Variants in PKD1 observed in about 807,000 individuals in gnomAD.
PKD1 encodes the protein polycystin-1.
Under a neutral mutation model 361.7 loss-of-function variants are expected in PKD1, and 81 were observed. The observed-to-expected ratio is 0.22, with a 90% CI of 0.19 to 0.27. The LOEUF (loss-of-function observed/expected upper bound fraction) is 0.27, where lower values mean the gene tolerates loss of function less well. PKD1 is among the 10% of genes least tolerant of loss of function. The pLI is 1.00. For missense variants in PKD1, 6,399 were observed against 6,118.3 expected (o/e 1.05, Z -1.53); for synonymous variants, 3,615 against 2,818.3 (o/e 1.28, Z -8.95).
rs552542784 is a variant in PKD1 at position 2,110,096 on chromosome 16, C to T, written c.5071G>A (p.Gly1691Ser). Residue 1691 changes from glycine (G) to serine (S), a missense_variant, in exon 15 of 46, where the codon GGC becomes AGC. By Grantham distance (56) the Gly-to-Ser change is moderately conservative. Coordinates refer to ENST00000262304, the MANE Select transcript of PKD1 (RefSeq NM_001009944.3). ...KGFSLTVLEA[G>S]TYHVQLRATN... ...GCCCGCAGCTGCACATGGTAGGTGCCGGCCTCGAGCACGGTGAGCGAGAAG... is the reference window on the plus strand; with the variant it reads ...GCCCGCAGCTGCACATGGTAGGTGCTGGCCTCGAGCACGGTGAGCGAGAAG... The T allele has an allele frequency of 1.7e-5, 27 of 1,609,470 alleles. No homozygotes were observed. Among genetic ancestry groups the T allele is most frequent in the South Asian group, 1.1e-4 (10 of 90,842 alleles).
At position 2,111,460 on chromosome 16, in the gene PKD1, T is replaced by C. The variant is rs768346248; in HGVS notation, c.3707A>G (p.Gln1236Arg). Residue 1236 changes from glutamine to arginine, a missense_variant, in exon 15 of 46, where the codon CAG (glutamine) becomes CGG (arginine). Coordinates refer to ENST00000262304, the MANE Select transcript of PKD1 (RefSeq NM_001009944.3). ...GAPVVVSAAV[Q>R]TGDNITWTFD... ...GGTCCACGTGATGTTGTCGCCCGTC[T>C]GCACCGCGGCGCTGACCACCACGGG... 3 of 1,611,814 alleles carry C rather than the reference T, an allele frequency of 1.9e-6. No homozygotes were observed. In the South Asian group the frequency reaches 3.3e-5, roughly 18 times the overall value.
intron 1 of PKD1, among the ~76,000 whole-genome samples, chr16:2,127,607 G>A (rs1317215107): frequency 2.0e-5 from 3 of 152,070 alleles, no homozygotes; most frequent in East Asian, 2.0e-4. Flanking sequence ...ATGGGCCCCC[G>A]GAACCCCTGA....
chr16:2,132,612 C>G (rs1019701269), intron 1 of PKD1, among the ~76,000 whole-genome samples: 4 of 147,076 alleles, frequency 2.7e-5, no homozygotes. Context: ...AAGACATCAA[C>G]TAATTGCAGT....
intron 34 of PKD1, chr16:2,095,304 C>T (rs2091799816): frequency 6.6e-5 from 10 of 152,104 alleles, no homozygotes; most frequent in Admixed American, 6.6e-4. Context: ...ATCTTAGCTA[C>T]TTGGGAGGCT....
At chr16:2,124,852 G>C (rs920296591) in intron 1 of PKD1, among the ~76,000 whole-genome samples, 1 of 152,196 alleles carries the variant, frequency 6.6e-6, no homozygotes, top group African/African-American at 2.4e-5. Flanking sequence ...TCCTCCCTCG[G>C]CAGGGGCAGG....
In PKD1 at chr16:2,091,426, G is replaced by A; in HGVS notation, c.11709C>T (p.Thr3903=). 8.5e-7 allele frequency: 1 copy of A among 1,173,630 alleles called. No homozygotes were observed. The highest frequency in any genetic ancestry group is 4.6e-5 in the East Asian group (1 of 21,584). The allele number at this position is 1,173,630 out of a possible 1,614,324, so 72.7% of individuals were successfully genotyped here. ...LSAGLSLPLL[T]SVCLLLFAVH... is the part of the protein sequence containing the mutation. ...GTCTGGCCGGGGACGGGCGTACCGA[G>A]GTGAGCAGAGGCAGCGAGAGGCCCG... Residue 3903 remains threonine (T), a synonymous_variant, in exon 42 of 46, where the codon ACC becomes ACT. Coordinates refer to ENST00000262304, the MANE Select transcript of PKD1 (RefSeq NM_001009944.3).
chr16:2,132,105 C>A (rs2092889389), intron 1 of PKD1, among the ~76,000 whole-genome samples: 1 of 151,648 alleles, frequency 6.6e-6, no homozygotes, highest in Non-Finnish European at 1.5e-5. Flanking sequence ...ACAAAATTAG[C>A]CAGGCATGGT....
chr16:2,111,454 C>A lies in PKD1; in HGVS notation c.3713G>T (p.Gly1238Val). Reference sequence around the variant, plus strand: ...GTCGAAGGTCCACGTGATGTTGTCGCCCGTCTGCACCGCGGCGCTGACCAC... The same window carrying A: ...GTCGAAGGTCCACGTGATGTTGTCGACCGTCTGCACCGCGGCGCTGACCAC... ...PVVVSAAVQTGDNITWTFDMG... is the reference protein window; with the variant it reads ...PVVVSAAVQTVDNITWTFDMG... Residue 1238 changes from glycine to valine, a missense_variant, in exon 15 of 46, where the codon GGC becomes GTC. Coordinates refer to ENST00000262304, the MANE Select transcript of PKD1 (RefSeq NM_001009944.3). 6.2e-7 allele frequency: 1 copy of A among 1,611,842 alleles called. No individual in the cohort carries two copies. The highest frequency in any genetic ancestry group is 8.5e-7 in the Non-Finnish European group (1 of 1,179,538).
rs372534935 is a variant in PKD1 at position 2,090,492 on chromosome 16, G to A, written c.12237C>T (p.Ser4079=). Residue 4079 remains serine, a synonymous_variant, in exon 45 of 46, where the codon TCC becomes TCT. Transcript: ENST00000262304. ...CACACAGCAGGGGTGACAGGTGCCA[G>A]GACTCGGCAGGACACAGGGTAGAGA... ...TGLSTLCPAE[S]WHLSPLLCVG... 44 of 1,611,592 alleles carry A rather than the reference G, an allele frequency of 2.7e-5. No individual in the cohort carries two copies. In the Admixed American group the frequency reaches 3.7e-4, roughly 13 times the overall value.
Position 2,100,090 on chromosome 16 carries a change from C to G in PKD1, c.9713-19G>C. On this transcript the variant is annotated intron_variant, in intron 28 of 45. Coordinates refer to ENST00000262304, the MANE Select transcript of PKD1 (RefSeq NM_001009944.3). The surrounding 1 kb of genome is among the most constrained non-coding windows in gnomAD (Gnocchi z 4.4). Reference sequence around the variant, plus strand: ...GCGTCGCCTAGAAGGCAGGGAGGGCCGCACTGCAGGAGGCCACGGGGCAGG... The same window carrying G: ...GCGTCGCCTAGAAGGCAGGGAGGGCGGCACTGCAGGAGGCCACGGGGCAGG... 1 of 1,604,004 alleles carries G rather than the reference C, an allele frequency of 6.2e-7. No individual in the cohort carries two copies. Among genetic ancestry groups the G allele is most frequent in the Non-Finnish European group, 8.5e-7 (1 of 1,176,548 alleles).
In PKD1 at chr16:2,091,125, G is replaced by C. The variant is rs762372063; in HGVS notation, c.11762C>G (p.Thr3921Ser). ...GCGCCAGCGCCCTTCCCTGTGCCAAGTACGGGCCTCGGCCACGGCGAAGTG... is the reference window on the plus strand; with the variant it reads ...GCGCCAGCGCCCTTCCCTGTGCCAACTACGGGCCTCGGCCACGGCGAAGTG... ...AVHFAVAEAR[T>S]WHREGRWRVL... Residue 3921 changes from threonine to serine, a missense_variant, in exon 43 of 46, where the codon ACT becomes AGT. By Grantham distance (58) the Thr-to-Ser change is moderately conservative. Coordinates refer to ENST00000262304, the MANE Select transcript of PKD1 (RefSeq NM_001009944.3). The C allele has an allele frequency of 1.3e-6, 2 of 1,487,482 alleles. No homozygotes were observed. The highest frequency in any genetic ancestry group is 1.8e-6 in the Non-Finnish European group (2 of 1,125,758). 92.1% of individuals were successfully genotyped at this position (1,487,482 alleles called of 1,614,324 possible).
intron 14 of PKD1, 140 bp downstream of exon 14, chr16:2,112,200 T>G: frequency 1.3e-6 from 1 of 789,210 alleles, no homozygotes; most frequent in East Asian, 2.7e-5. Flanking sequence ...CTCACCCCAG[T>G]AGGGGCCTAA....
Position 2,108,274 on chromosome 16 carries a change from C to T in PKD1, c.6893G>A (p.Trp2298Ter), listed in dbSNP as rs752619600. Reference protein sequence around the residue: ...DGDQTPLSFHWACVASTQREA... With the variant: ...DGDQTPLSFH ...GACCTGTGTCGAAGCCACACAGGCCCAGTGGAAACTGAGCGGCGTCTGGTC... is the reference window on the plus strand; with the variant it reads ...GACCTGTGTCGAAGCCACACAGGCCTAGTGGAAACTGAGCGGCGTCTGGTC... The change falls in exon 15 of 46, where the codon TGG becomes TAG. Residue 2298 changes from tryptophan to a stop codon, truncating the protein, a stop_gained. Transcript: ENST00000262304. LOFTEE classifies it high-confidence loss of function. 1 of 1,601,958 alleles carries T rather than the reference C, an allele frequency of 6.2e-7. No individual in the cohort carries two copies. The highest frequency in any genetic ancestry group is 8.5e-7 in the Non-Finnish European group (1 of 1,173,416).
intron 14 of PKD1, among the ~76,000 whole-genome samples, 159 bp from the exon 15 acceptor site, chr16:2,112,030 A>C (rs2092524231): frequency 6.6e-6 from 1 of 152,220 alleles, no homozygotes; most frequent in Non-Finnish European, 1.5e-5. Flanking sequence ...GACGGAGCAC[A>C]GGTGTAGCAG....
chr16:2,097,787 G>A lies in PKD1; in HGVS notation c.10168-7C>T, dbSNP rs1341175191. The A allele has an allele frequency of 2.5e-6, 4 of 1,611,442 alleles. No individual in the cohort carries two copies. Among genetic ancestry groups the A allele is most frequent in the South Asian group, 1.1e-5 (1 of 90,994 alleles). ...TCTGTCCAACAAAGGCCTGCTGAGAGGTGCACAGTGTCTTGAGTCCAAGCT... is the reference window on the plus strand; with the variant it reads ...TCTGTCCAACAAAGGCCTGCTGAGAAGTGCACAGTGTCTTGAGTCCAAGCT... On this transcript the variant is annotated splice_region_variant and splice_polypyrimidine_tract_variant and intron_variant, in intron 31 of 45. Transcript: ENST00000262304.
chr16:2,122,496 C>T (rs2092736724), intron 1 of PKD1, among the ~76,000 whole-genome samples: 1 of 152,242 alleles, frequency 6.6e-6, no homozygotes, highest in South Asian at 2.1e-4. Flanking sequence ...CTCCCCACTG[C>T]CCATAAGGAT....
At chr16:2,116,290 G>A (rs867726901) in intron 8 of PKD1, 172 bp from the exon 9 acceptor site, 13 of 746,632 alleles carry the variant, frequency 1.7e-5, no homozygotes, top group South Asian at 1.2e-4. Flanking sequence ...ACTGTCCATG[G>A]GGGGCAGGAC....
chr16:2,124,723 G>C (rs996191664), intron 1 of PKD1, among the ~76,000 whole-genome samples: 3 of 152,206 alleles, frequency 2.0e-5, no homozygotes, highest in Admixed American at 6.5e-5. Flanking sequence ...TTCCAGACAC[G>C]TGTGGTCAGC....
intron 1 of PKD1, among the ~76,000 whole-genome samples, chr16:2,133,920 G>T (rs558511610): frequency 2.6e-5 from 4 of 151,638 alleles, no homozygotes; most frequent in African/African-American, 9.7e-5. Flanking sequence ...GGAGAACACG[G>T]GCCTTGCTCT....
Sources: gnomAD v4.1 joint callset for allele counts (sites outside exome capture counted in the v4.1 genomes callset) on GRCh38, gnomAD v4.1.1 for gene constraint, Gnocchi (gnomAD v3.1) non-coding constraint, MANE v1.5 for transcripts, NCBI Gene and HGNC (gene_info 2026-07-23, HGNC 2026-07-21) for gene names.